SLC3A1: variants seen among roughly 807,000 people sequenced by gnomAD.
SLC3A1 encodes the protein amino acid transporter heavy chain SLC3A1.
Under a neutral mutation model 60.3 loss-of-function variants are expected in SLC3A1, and 78 were observed. The ratio of observed to expected loss-of-function variants is 1.29; its 90% CI spans 1.08 to 1.56. The LOEUF (loss-of-function observed/expected upper bound fraction) is 1.56. SLC3A1 is among the 40% of genes most tolerant of loss of function. The probability of loss-of-function intolerance (pLI) is 0.00; values close to 1 mark genes in which losing one functional copy is unlikely to be tolerated. For missense variants in SLC3A1, 1,172 were observed against 858.9 expected, an observed-to-expected ratio of 1.36 and a Z score of -4.56; for synonymous variants, 392 against 307.9, an observed-to-expected ratio of 1.27 and a Z score of -2.86.
intron 4 of SLC3A1, among the ~76,000 whole-genome samples, chr2:44,290,302 T>G (rs1249645522): frequency 6.6e-6 from 1 of 152,236 alleles, no homozygotes; most frequent in Admixed American, 6.5e-5. Flanking sequence ...TCTGTCCTTA[T>G]GTCAGTACCA....
intron 1 of SLC3A1, among the ~76,000 whole-genome samples, chr2:44,276,692 C>T (rs999425356): frequency 7.9e-5 from 12 of 151,704 alleles, no homozygotes; most frequent in Non-Finnish European, 1.5e-4. Context: ...TAGGGAGACC[C>T]CGTCTCCAAA....
chr2:44,278,808 A>G (rs1255056802), intron 1 of SLC3A1, among the ~76,000 whole-genome samples: 3 of 152,122 alleles, frequency 2.0e-5, no homozygotes, highest in South Asian at 2.1e-4. Context: ...GGGTTCCTAT[A>G]TAAGTGAACA....
At chr2:44,305,732 CCTTT>C (rs548986794) in intron 7 of SLC3A1, among the ~76,000 whole-genome samples, 166 of 152,094 alleles carry the variant, frequency 1.1e-3, no homozygotes, top group Admixed American at 2.1e-3. Flanking sequence ...CCTGGCCCTT[CCTTT>C]CTTTAATATA....
At chr2:44,284,160 A>G (rs1262902434) in intron 3 of SLC3A1, among the ~76,000 whole-genome samples, 1 of 151,922 alleles carries the variant, frequency 6.6e-6, no homozygotes, top group African/African-American at 2.4e-5. Context: ...GCTCACTGCA[A>G]CCTCTGCCTC....
At chr2:44,318,059 A>T (rs1001308297) in intron 9 of SLC3A1, 6 of 428,398 alleles carry the variant, frequency 1.4e-5, no homozygotes, top group African/African-American at 1.3e-4. Context: ...AAATATTTGC[A>T]CATGTGCACA....
chr2:44,283,434 A>T (rs1407978318), intron 3 of SLC3A1, among the ~76,000 whole-genome samples: 1 of 152,174 alleles, frequency 6.6e-6, no homozygotes, highest in Non-Finnish European at 1.5e-5. Context: ...TAAGTGTTTT[A>T]TATTCATTAA....
At chr2:44,282,343 T>A (rs891822944) in intron 3 of SLC3A1, among the ~76,000 whole-genome samples, 1 of 152,140 alleles carries the variant, frequency 6.6e-6, no homozygotes, top group Admixed American at 6.6e-5. Flanking sequence ...GGAATTTTGC[T>A]AATTTCAACC....
intron 7 of SLC3A1, among the ~76,000 whole-genome samples, chr2:44,306,067 G>C (rs970446598): frequency 6.6e-6 from 1 of 152,160 alleles, no homozygotes; most frequent in Non-Finnish European, 1.5e-5. Context: ...TCAGGCTCAG[G>C]GTTTGTTTGT....
intron 9 of SLC3A1, among the ~76,000 whole-genome samples, chr2:44,316,761 T>G (rs1297535395): frequency 6.6e-6 from 1 of 152,178 alleles, no homozygotes; most frequent in African/African-American, 2.4e-5. Flanking sequence ...ATCTTCAAAG[T>G]TGTAATGGAA....
At chr2:44,286,271 A>T in intron 4 of SLC3A1, 114 bp downstream of exon 4, 1 of 990,256 alleles carries the variant, frequency 1.0e-6, no homozygotes, top group South Asian at 1.3e-5. Flanking sequence ...TAATTATTTG[A>T]AATACTCTAT....
intron 7 of SLC3A1, among the ~76,000 whole-genome samples, chr2:44,305,255 A>G (rs918842638): frequency 6.6e-6 from 1 of 151,932 alleles, no homozygotes; most frequent in Non-Finnish European, 1.5e-5. Context: ...GCTTTCCCTG[A>G]TCTGATTTTT....
In SLC3A1 at chr2:44,311,790, G is replaced by T. The variant is rs143469002; in HGVS notation, c.1333-796G>T. ...AATTAAGTCTTGTCCTAAGACTCAA[G>T]TTCGAACGCTAGTTCTGTCTTAGAC... On this transcript the variant is annotated intron_variant, in intron 7 of 9. Transcript: ENST00000260649. Among the ~76,000 whole-genome samples the T allele has an allele frequency of 3.6e-3, 549 of 150,968 alleles. 6 individuals are homozygous for T. Among genetic ancestry groups the T allele is most frequent in the African/African-American group, 0.013 (525 of 41,158 alleles).
Position 44,301,065 on chromosome 2 carries a change from C to T in SLC3A1, c.1074C>T (p.His358=), listed in dbSNP as rs754041697. The change falls in exon 6 of 10, where the codon CAC becomes CAT. Residue 358 remains histidine (H), a synonymous_variant. Transcript: ENST00000260649. ...TCACCACCACGCAGGTGGGAATGCACGACATTGTCCGCAGCTTCCGGCAGA... is the reference window on the plus strand; with the variant it reads ...TCACCACCACGCAGGTGGGAATGCATGACATTGTCCGCAGCTTCCGGCAGA... ...HDFTTTQVGM[H]DIVRSFRQTM... is the part of the protein sequence containing the mutation. 1.2e-5 allele frequency: 20 copies of T among 1,614,050 alleles called. No homozygotes were observed. Among genetic ancestry groups the T allele is most frequent in the Middle Eastern group, 1.6e-4 (1 of 6,084 alleles).
chr2:44,298,081 C>G (rs558597877), intron 4 of SLC3A1, among the ~76,000 whole-genome samples: 1 of 152,286 alleles, frequency 6.6e-6, no homozygotes, highest in African/African-American at 2.4e-5. Context: ...TCATTTCTCT[C>G]GGGTATATAC....
At chr2:44,314,235 G>A in intron 9 of SLC3A1, 1 of 735,342 alleles carries the variant, frequency 1.4e-6, no homozygotes, top group South Asian at 2.0e-5. Context: ...GAAATTTTAT[G>A]AAGTTTTTTA....
intron 9 of SLC3A1, chr2:44,318,271 T>C: frequency 3.4e-6 from 1 of 289,918 alleles, no homozygotes; most frequent in South Asian, 2.6e-5. Flanking sequence ...CTGTATTTTT[T>C]AGTAGAGATG....
chr2:44,309,780 G>A (rs1444550449), intron 7 of SLC3A1, among the ~76,000 whole-genome samples: 1 of 152,170 alleles, frequency 6.6e-6, no homozygotes, highest in Non-Finnish European at 1.5e-5. Flanking sequence ...TGTATTTTTA[G>A]TAGAAATGGG....
chr2:44,311,766 A>T (rs1015595783), intron 7 of SLC3A1, among the ~76,000 whole-genome samples: 3 of 151,988 alleles, frequency 2.0e-5, no homozygotes, highest in Admixed American at 6.6e-5. Context: ...AATTGTAGCA[A>T]TTAAGTCTTG....
At chr2:44,321,818 A>G (rs748870270), downstream of SLC3A1, 42 of 1,613,748 alleles carry the variant, frequency 2.6e-5, no homozygotes, top group Admixed American at 1.5e-4. Flanking sequence ...GAGGGCCTTG[A>G]TAACATACCT....
Sources: allele counts gnomAD v4.1 joint callset (sites outside exome capture counted in the v4.1 genomes callset), GRCh38; gene constraint gnomAD v4.1.1; transcripts MANE v1.5; gene names NCBI Gene and HGNC (gene_info 2026-07-23, HGNC 2026-07-21).